The following SIRT3 variants were observed in gnomAD, a reference collection of about 807,000 sequenced individuals.
The protein encoded by SIRT3 is NAD-dependent protein deacetylase sirtuin-3, mitochondrial.
In SIRT3, 26 loss-of-function variants were observed where a neutral mutation model predicts 33.5. That is an observed-to-expected ratio of 0.78 (90% CI 0.57 to 1.08). The LOEUF (loss-of-function observed/expected upper bound fraction) is 1.08, where lower values mean the gene tolerates loss of function less well. SIRT3 is among the 50% of genes least tolerant of loss of function. SIRT3 has a pLI of 0.00. For synonymous variants in SIRT3, 237 were observed against 222.1 expected, an observed-to-expected ratio of 1.07 and a Z score of -0.60; for missense variants, 585 against 530.1, an observed-to-expected ratio of 1.10 and a Z score of -1.02.
chr11:230,713 G>A, intron 3 of SIRT3, 161 bp from the exon 4 acceptor site: 1 of 411,572 alleles, frequency 2.4e-6, no homozygotes, highest in Non-Finnish European at 4.3e-6. Context: ...TCACCTACAT[G>A]CGCCATCAAC....
chr11:233,199 G>C lies in SIRT3; in HGVS notation c.490C>G (p.Leu164Val), dbSNP rs1564814543. The part of the protein sequence containing the change: ...IPDFRSPGSG[L>V]YSNLQQYDLP... The stretch of plus-strand genomic sequence containing the variant: ...TCGTACTGCTGGAGGTTGCTGTACA[G>C]GCCACTCCCCGGCGATCTGCAGGGA... The change falls in exon 3 of 7, where the codon CTG (leucine) becomes GTG (valine). Residue 164 changes from leucine (L) to valine (V), a missense_variant. By Grantham distance (32) the Leu-to-Val change is conservative (BLOSUM62 1). Coordinates refer to ENST00000382743, the MANE Select transcript of SIRT3 (RefSeq NM_012239.6). The C allele has an allele frequency of 1.2e-6, 2 of 1,613,828 alleles. No homozygotes were observed. The highest frequency in any genetic ancestry group is 1.7e-6 in the Non-Finnish European group (2 of 1,179,826).
Position 219,057 on chromosome 11 carries a change from A to G in SIRT3, c.970-16T>C, listed in dbSNP as rs778137871. ...AAGGCTCCACCTGAAAAATGGGCCA[A>G]ACGTGAGGGGCACAGTGTCCACTTT... is the stretch of plus-strand genomic sequence containing the variant. On this transcript the variant is annotated splice_polypyrimidine_tract_variant and intron_variant, in intron 5 of 6. Transcript: ENST00000382743. The G allele has an allele frequency of 1.2e-6, 2 of 1,601,924 alleles. No individual in the cohort carries two copies. Among genetic ancestry groups the G allele is most frequent in the African/African-American group, 2.7e-5 (2 of 74,584 alleles).
chr11:233,259 AG>A, intron 2 of SIRT3, 44 bp from the exon 3 acceptor site: 2 of 1,603,998 alleles, frequency 1.2e-6, no homozygotes, highest in South Asian at 2.2e-5. Context: ...GGAAGAGGAC[AG>A]GGAAGTGGAA....
At chr11:232,641 C>T (rs4980328) in intron 3 of SIRT3, among the ~76,000 whole-genome samples, 23,665 of 152,006 alleles carry the variant, frequency 0.16, 2,302 homozygotes, top group Middle Eastern at 0.22. Flanking sequence ...AAAAAAATTC[C>T]ATAATACACT....
chr11:216,708 G>C lies in SIRT3; in HGVS notation c.1190C>G (p.Pro397Arg), dbSNP rs201144283. The C allele has an allele frequency of 3.7e-6, 6 of 1,614,024 alleles. No homozygotes were observed. The highest frequency in any genetic ancestry group is 4.2e-6 in the Non-Finnish European group (5 of 1,179,932). The change falls in exon 7 of 7, where the codon CCA (proline) becomes CGA (arginine). Residue 397 changes from proline to arginine, a missense_variant. Physicochemically the swap from Pro to Arg is moderately radical, Grantham distance 103. Coordinates refer to ENST00000382743, the MANE Select transcript of SIRT3 (RefSeq NM_012239.6). The stretch of plus-strand genomic sequence containing the variant: ...GGGGCAGCCATCATCCTATTTGTCT[G>C]GTCCATCAAGCTGGAATACAGAAGA... ...VQRETGKLDG[P>R]DK is the part of the protein sequence containing the mutation.
Position 216,434 on chromosome 11 carries a change from T to C in SIRT3, c.*264A>G. The C allele has an allele frequency of 2.1e-6, 1 of 478,614 alleles. No homozygotes were observed. Among genetic ancestry groups the C allele is most frequent in the East Asian group, 3.4e-5 (1 of 29,476 alleles). 29.6% of individuals were successfully genotyped at this position (478,614 alleles called of 1,614,324 possible). A position where few individuals can be genotyped will look rare whatever the true frequency, so the allele number is the denominator to read the frequency against. On this transcript the variant is annotated 3_prime_UTR_variant, in exon 7 of 7. Transcript: ENST00000382743. ...AAGAAAGCTTTTTCCATTAGGAGCTTCAGCAGAGTGAAGAGTTCAACACAG... is the reference window on the plus strand; with the variant it reads ...AAGAAAGCTTTTTCCATTAGGAGCTCCAGCAGAGTGAAGAGTTCAACACAG...
Position 233,420 on chromosome 11 carries a change from A to C in SIRT3, c.396T>G (p.Ile132Met), listed in dbSNP as rs1333764799. The change falls in exon 2 of 7, where the codon ATT (isoleucine) becomes ATG (methionine). Residue 132 changes from isoleucine (I) to methionine (M), a missense_variant. Ile to Met is a conservative substitution (Grantham distance 10, BLOSUM62 1). Coordinates refer to ENST00000382743, the MANE Select transcript of SIRT3 (RefSeq NM_012239.6). ...KLSLQDVAEL[I>M]RARACQRVVV... ...CCACCCTCTGGCAGGCTCTGGCCCG[A>C]ATCAGCTCAGCTACATCCTGCAGGG... is the stretch of plus-strand genomic sequence containing the variant. 1 of 1,614,034 alleles carries C rather than the reference A, an allele frequency of 6.2e-7. No homozygotes were observed. Among genetic ancestry groups the C allele is most frequent in the Admixed American group, 1.7e-5 (1 of 60,010 alleles).
chr11:228,519 G>T (rs1857468659), intron 4 of SIRT3, among the ~76,000 whole-genome samples: 1 of 152,130 alleles, frequency 6.6e-6, no homozygotes, highest in Non-Finnish European at 1.5e-5. Flanking sequence ...CAAGACCACA[G>T]TTTTTTTAAA....
chr11:235,743 T>C (rs1483863353), intron 1 of SIRT3, among the ~76,000 whole-genome samples: 1 of 152,168 alleles, frequency 6.6e-6, no homozygotes, highest in Admixed American at 6.5e-5. Flanking sequence ...TAAATGCATA[T>C]ACTTTTGGAC....
At chr11:233,637 AATG>A in intron 1 of SIRT3, 103 bp from the exon 2 acceptor site, 2 of 1,084,134 alleles carry the variant, frequency 1.8e-6, no homozygotes, top group Non-Finnish European at 2.7e-6. Context: ...CACCCTCGAG[AATG>A]AGCATGTGTG....
Position 215,258 on chromosome 11 carries a change from T to C in SIRT3, c.*1440A>G, listed in dbSNP as rs1855537819. ...CCAACATAGCAAAACCTTGTCTCTA[T>C]TACAAATATGCCCATGTGCTAGGTG... is the stretch of plus-strand genomic sequence containing the variant. On this transcript the variant is annotated 3_prime_UTR_variant, in exon 7 of 7. Transcript: ENST00000382743. 6.5e-6 allele frequency: 1 copy of C among 152,804 alleles called. No homozygotes were observed. The highest frequency in any genetic ancestry group is 1.5e-5 in the Non-Finnish European group (1 of 68,492). 9.5% of individuals were successfully genotyped at this position (152,804 alleles called of 1,614,324 possible). A position where few individuals can be genotyped will look rare whatever the true frequency, so the allele number is the denominator to read the frequency against.
At chr11:233,561 G>C (rs201221017) in intron 1 of SIRT3, 27 bp from the exon 2 acceptor site, 56 of 1,610,730 alleles carry the variant, frequency 3.5e-5, no homozygotes, top group Admixed American at 3.0e-4. Context: ...CAGCAGCAAA[G>C]GAAACAGATA....
In SIRT3 at chr11:236,304, C is replaced by A. The variant is rs1162805039; in HGVS notation, c.25G>T (p.Ala9Ser). 6.6e-7 allele frequency: 1 copy of A among 1,522,564 alleles called. No individual in the cohort carries two copies. Among genetic ancestry groups the A allele is most frequent in the Non-Finnish European group, 8.8e-7 (1 of 1,142,068 alleles). The allele number at this position is 1,522,564 out of a possible 1,614,324, so 94.3% of individuals were successfully genotyped here. Residue 9 changes from alanine to serine, a missense_variant, in exon 1 of 7, where the codon GCG (alanine) becomes TCG (serine). Physicochemically the swap from Ala to Ser is moderately conservative, Grantham distance 99. Coordinates refer to ENST00000382743, the MANE Select transcript of SIRT3 (RefSeq NM_012239.6). MAFWGWRA[A>S]AALRLWGRVV... ...CGGCCCCACAGCCGGAGGGCTGCCGCGGCGCGCCAACCCCAGAACGCCATG... is the reference window on the plus strand; with the variant it reads ...CGGCCCCACAGCCGGAGGGCTGCCGAGGCGCGCCAACCCCAGAACGCCATG...
At chr11:236,354 C>T (rs1380311075), upstream of SIRT3, 10 of 1,249,918 alleles carry the variant, frequency 8.0e-6, no homozygotes, top group African/African-American at 3.1e-5. Flanking sequence ...AGGAGTCCTC[C>T]GGACTCGCCC....
intron 1 of SIRT3, chr11:233,878 A>T (rs946038545): frequency 9.5e-6 from 2 of 211,302 alleles, no homozygotes. Context: ...CAAGAAGCAA[A>T]GAGGGAAAAC....
At chr11:218,390 C>A (rs986174762) in intron 6 of SIRT3, among the ~76,000 whole-genome samples, 2 of 152,182 alleles carry the variant, frequency 1.3e-5, no homozygotes, top group Non-Finnish European at 2.9e-5. Context: ...TATAATTGAT[C>A]AATGGCTCTC....
intron 5 of SIRT3, 45 bp from the exon 6 acceptor site, chr11:219,086 A>G (rs1322762016): frequency 6.4e-7 from 1 of 1,561,550 alleles, no homozygotes; most frequent in South Asian, 1.2e-5. Context: ...CCACTTTACA[A>G]GCTCCTCAGG....
chr11:232,903 C>A, intron 3 of SIRT3, 80 bp downstream of exon 3: 2 of 1,360,172 alleles, frequency 1.5e-6, no homozygotes, highest in Non-Finnish European at 2.1e-6. Context: ...GAGAAACAGG[C>A]ACCCGAGCCT....
intron 6 of SIRT3, 50 bp from the exon 7 acceptor site, chr11:216,768 C>A (rs1417673373): frequency 1.2e-6 from 2 of 1,602,734 alleles, no homozygotes; most frequent in Non-Finnish European, 1.7e-6. Context: ...CACACCCAGG[C>A]AGGCCAGCAG....
Sources: gnomAD v4.1 joint callset for allele counts (sites outside exome capture counted in the v4.1 genomes callset) on GRCh38, gnomAD v4.1.1 for gene constraint, MANE v1.5 for transcripts, NCBI Gene and HGNC (gene_info 2026-07-23, HGNC 2026-07-21) for gene names.